The following NAGK variants were observed in gnomAD, a reference collection of about 807,000 sequenced individuals.
NAGK encodes the protein N-acetyl-D-glucosamine kinase.
In NAGK, 35 loss-of-function variants were observed where a neutral mutation model predicts 42.9. The ratio of observed to expected loss-of-function variants is 0.82; its 90% CI spans 0.62 to 1.08. NAGK has a LOEUF of 1.08. Among genes scored for constraint, NAGK ranks in the 50% least tolerant of loss-of-function variants. The pLI is 0.00. For missense variants in NAGK, 446 were observed against 446.0 expected (o/e 1.00, Z 0.00); for synonymous variants, 172 against 176.0 (o/e 0.98, Z 0.18).
chr2:71,071,769 T>A lies in NAGK; in HGVS notation c.297T>A (p.Ser99Arg), dbSNP rs1317911202. Reference protein sequence around the residue: ...EELRDRFPYLSESYLITTDAA... With the variant: ...EELRDRFPYLRESYLITTDAA... Reference sequence around the variant, plus strand: ...TGAGGGACCGATTTCCCTACCTGAGTGAAAGCTACTTAATCACCACCGATG... The same window carrying A: ...TGAGGGACCGATTTCCCTACCTGAGAGAAAGCTACTTAATCACCACCGATG... The change falls in exon 4 of 10, where the codon AGT becomes AGA. Residue 99 changes from serine (S) to arginine (R), a missense_variant. By Grantham distance (110) the Ser-to-Arg change is moderately radical (BLOSUM62 -1). Coordinates refer to ENST00000244204, the MANE Select transcript of NAGK (RefSeq NM_017567.6). The A allele has an allele frequency of 1.2e-6, 2 of 1,614,034 alleles. No homozygotes were observed. Among genetic ancestry groups the A allele is most frequent in the Admixed American group, 3.3e-5 (2 of 60,016 alleles).
At chr2:71,068,504 G>T, upstream of NAGK, 19 of 1,431,974 alleles carry the variant, frequency 1.3e-5, no homozygotes, top group Middle Eastern at 2.5e-4. Context: ...CAGCCTGAGG[G>T]ACGCAGCCAT....
chr2:71,078,628 T>C lies in NAGK; in HGVS notation c.*120T>C. 8.3e-7 allele frequency: 1 copy of C among 1,201,406 alleles called. No homozygotes were observed. Among genetic ancestry groups the C allele is most frequent in the Non-Finnish European group, 1.1e-6 (1 of 879,062 alleles). 74.4% of individuals were successfully genotyped at this position (1,201,406 alleles called of 1,614,324 possible). On this transcript the variant is annotated 3_prime_UTR_variant, in exon 10 of 10. Coordinates refer to ENST00000244204, the MANE Select transcript of NAGK (RefSeq NM_017567.6). ...AACATAGAAGAAAATAAATGCACTT[T>C]ATCCACTCCCCAATTGGACTGCATT...
At chr2:71,070,953 C>T (rs1465199171) in intron 3 of NAGK, 114 bp downstream of exon 3, 21 of 1,061,294 alleles carry the variant, frequency 2.0e-5, no homozygotes, top group Non-Finnish European at 2.8e-5. Flanking sequence ...AGACTTAGTC[C>T]CTGGTGTCAA....
chr2:71,072,799 C>T (rs1424212770), intron 5 of NAGK, 48 bp downstream of exon 5: 7 of 1,510,130 alleles, frequency 4.6e-6, no homozygotes, highest in Admixed American at 1.8e-5. Context: ...CTGCTCCTTC[C>T]TTCACTCCCT....
At chr2:71,077,221 C>T (rs1279083356) in intron 8 of NAGK, among the ~76,000 whole-genome samples, 1 of 152,140 alleles carries the variant, frequency 6.6e-6, no homozygotes, top group Non-Finnish European at 1.5e-5. Flanking sequence ...CACCTTGGCC[C>T]AAAGTGCCGG....
Position 71,075,589 on chromosome 2 carries a change from A to C in NAGK, c.614A>C (p.Tyr205Ser), listed in dbSNP as rs975110063. ...CGGCTAGGGATACTCACTCACCTGT[A>C]TAGGGACTTTGATAAATGCAGGTTT... is the stretch of plus-strand genomic sequence containing the variant. ...PDRLGILTHL[Y>S]RDFDKCRFAG... Residue 205 changes from tyrosine to serine, a missense_variant, in exon 7 of 10, where the codon TAT (tyrosine) becomes TCT (serine). By Grantham distance (144) the Tyr-to-Ser change is moderately radical (BLOSUM62 -2). Transcript: ENST00000244204. The C allele has an allele frequency of 1.2e-6, 2 of 1,614,082 alleles. No homozygotes were observed. The highest frequency in any genetic ancestry group is 1.7e-6 in the Non-Finnish European group (2 of 1,179,968).
chr2:71,075,825 C>G (rs538472290), intron 7 of NAGK, 183 bp downstream of exon 7: 6 of 602,418 alleles, frequency 1.0e-5, no homozygotes, highest in Non-Finnish European at 1.8e-5. Flanking sequence ...GCACGTGGGT[C>G]GTGTTGACAG....
chr2:71,079,105 T>C lies in NAGK; in HGVS notation c.*597T>C, dbSNP rs1469944338. 6.6e-6 allele frequency: 1 copy of C among 152,454 alleles called. No homozygotes were observed. The highest frequency in any genetic ancestry group is 6.5e-5 in the Admixed American group (1 of 15,296). 9.4% of individuals were successfully genotyped at this position (152,454 alleles called of 1,614,324 possible). ...GCAGGACATTTTGAAGTTTTTCCTA[T>C]GAATGAGTTTTTGAAAGGTTATGAG... is the stretch of plus-strand genomic sequence containing the variant. On this transcript the variant is annotated 3_prime_UTR_variant, in exon 10 of 10. Transcript: ENST00000244204.
chr2:71,071,224 G>A (rs1298829356), intron 3 of NAGK: 2 of 312,288 alleles, frequency 6.4e-6, no homozygotes, highest in Non-Finnish European at 1.2e-5. Flanking sequence ...GGTTAGTATA[G>A]AGCCTGACCC....
chr2:71,075,733 C>A (rs774261732), intron 7 of NAGK, 91 bp downstream of exon 7: 5 of 1,267,248 alleles, frequency 3.9e-6, no homozygotes, highest in Non-Finnish European at 5.7e-6. Context: ...GGACTGACAA[C>A]AATTTTCCTC....
chr2:71,071,451 T>G, intron 3 of NAGK: 1 of 552,844 alleles, frequency 1.8e-6, no homozygotes, highest in African/African-American at 1.9e-5. Context: ...CCTTCCAAGC[T>G]CCAAAGCTGG....
upstream of NAGK, chr2:71,068,509 A>G (rs1267679932): frequency 1.4e-6 from 2 of 1,435,568 alleles, no homozygotes; most frequent in African/African-American, 3.0e-5. Context: ...TGAGGGACGC[A>G]GCCATCCCCG....
intron 7 of NAGK, 193 bp from the exon 8 acceptor site, chr2:71,076,411 G>T: frequency 1.8e-6 from 1 of 542,130 alleles, no homozygotes. Flanking sequence ...CCCCTCTACA[G>T]AGGGAGGTAG....
Position 71,079,148 on chromosome 2 carries a change from A to G in NAGK, c.*640A>G, listed in dbSNP as rs1672322927. 1 of 152,352 alleles carries G rather than the reference A, an allele frequency of 6.6e-6. No individual in the cohort carries two copies. Among genetic ancestry groups the G allele is most frequent in the Non-Finnish European group, 1.5e-5 (1 of 68,150 alleles). The allele number at this position is 152,352 out of a possible 1,614,324, so 9.4% of individuals were successfully genotyped here. On this transcript the variant is annotated 3_prime_UTR_variant, in exon 10 of 10. Coordinates refer to ENST00000244204, the MANE Select transcript of NAGK (RefSeq NM_017567.6). ...GTTATGAGGATGGCTGAGATCCAAG[A>G]AGACCAACTAGGTACCGCTCACCTC...
At chr2:71,077,007 A>G (rs557615728) in intron 8 of NAGK, among the ~76,000 whole-genome samples, 59 of 152,088 alleles carry the variant, frequency 3.9e-4, no homozygotes, top group African/African-American at 1.4e-3. Context: ...TCTGTCAGCC[A>G]GGCTGGAGTG....
chr2:71,077,505 A>C, intron 8 of NAGK, 53 bp from the exon 9 acceptor site: 1 of 1,543,626 alleles, frequency 6.5e-7, no homozygotes, highest in Non-Finnish European at 8.8e-7. Context: ...TCCCGCCTTC[A>C]GCACTGGAGA....
At chr2:71,068,412 C>A, upstream of NAGK, 1 of 1,251,446 alleles carries the variant, frequency 8.0e-7, no homozygotes, top group Non-Finnish European at 1.0e-6. Flanking sequence ...TAGTGTCCAT[C>A]TCTGGAAGCA....
intron 9 of NAGK, among the ~76,000 whole-genome samples, chr2:71,077,904 AT>A (rs1672274889): frequency 6.6e-6 from 1 of 152,238 alleles, no homozygotes; most frequent in Non-Finnish European, 1.5e-5. Flanking sequence ...TTAAAGACAA[AT>A]CAGACTTAAA....
intron 7 of NAGK, chr2:71,076,360 TCCTGAGTTGGGGG>T: frequency 2.4e-6 from 1 of 410,768 alleles, no homozygotes; most frequent in South Asian, 2.6e-5. Context: ...TGCCCTCCCT[TCCTGAGTTGGGGG>T]CCTGAGTGAG....
Sources: allele counts gnomAD v4.1 joint callset (sites outside exome capture counted in the v4.1 genomes callset), GRCh38; gene constraint gnomAD v4.1.1; transcripts MANE v1.5; gene names NCBI Gene and HGNC (gene_info 2026-07-23, HGNC 2026-07-21).